The following EPRS1 variants were observed in gnomAD, a reference collection of about 807,000 sequenced individuals.
EPRS1 encodes bifunctional glutamate/proline--tRNA ligase.
In EPRS1, 107 loss-of-function variants were observed where a neutral mutation model predicts 188.3. The observed-to-expected ratio is 0.57, with a 90% CI of 0.49 to 0.67. The LOEUF (loss-of-function observed/expected upper bound fraction) is 0.67, where lower values mean the gene tolerates loss of function less well. Among genes scored for constraint, EPRS1 ranks in the 30% least tolerant of loss-of-function variants. The pLI is 0.00. For missense variants in EPRS1, 1,577 were observed against 1,802.2 expected (o/e 0.88, Z 2.26); for synonymous variants, 596 against 593.1 (o/e 1.00, Z -0.07).
chr1:219,981,335 G>C, intron 24 of EPRS1, 43 bp downstream of exon 24: 1 of 1,067,608 alleles, frequency 9.4e-7, no homozygotes, highest in Non-Finnish European at 1.3e-6. Flanking sequence ...AAAAAAAAAA[G>C]AACATGAATA....
At position 219,981,416 on chromosome 1, in the gene EPRS1, C is replaced by A; in HGVS notation, c.3415G>T (p.Asp1139Tyr). 6.2e-7 allele frequency: 1 copy of A among 1,608,888 alleles called. No homozygotes were observed. ...AYAKWVQSHR[D>Y]LPIKLNQWCN... ...CACTGATTGAGCTTGATGGGCAGGT[C>A]TCTGTGTGACTGTACCCATTTTGCA... Residue 1139 changes from aspartate to tyrosine, a missense_variant, in exon 24 of 32, where the codon GAC becomes TAC. By Grantham distance (160) the Asp-to-Tyr change is radical. Coordinates refer to ENST00000366923, the MANE Select transcript of EPRS1 (RefSeq NM_004446.3).
intron 16 of EPRS1, 143 bp from the exon 17 acceptor site, chr1:220,001,398 C>T (rs4379680): frequency 0.43 from 267,251 of 620,902 alleles, 61,564 homozygotes; most frequent in Non-Finnish European, 0.49. Context: ...GACAGTCTCA[C>T]TCTGTCGCCC....
intron 9 of EPRS1, among the ~76,000 whole-genome samples, chr1:220,020,466 G>A (rs992614870): frequency 1.4e-4 from 21 of 152,180 alleles, no homozygotes; most frequent in Non-Finnish European, 3.1e-4. Context: ...TACAAAATTA[G>A]GTATTGGCTT....
rs201931421 is a variant in EPRS1 at position 219,997,242 on chromosome 1, C to A, written c.2282G>T (p.Gly761Val). Residue 761 changes from glycine (G) to valine (V), a missense_variant, in exon 18 of 32, where the codon GGA (glycine) becomes GTA (valine). This residue lies in a region of EPRS1 where 1,278 missense variants were observed against 1,457.4 expected (regional missense o/e 0.88). Coordinates refer to ENST00000366923, the MANE Select transcript of EPRS1 (RefSeq NM_004446.3). ...GGCTTTTAATTCACGAACCACATCT[C>A]CTTGAACAGCCACTCTATTGTAAAG... ...LVLYNRVAVQ[G>V]DVVRELKAKK... The A allele has an allele frequency of 6.2e-7, 1 of 1,613,898 alleles. No homozygotes were observed. Among genetic ancestry groups the A allele is most frequent in the Non-Finnish European group, 8.5e-7 (1 of 1,179,978 alleles).
intron 18 of EPRS1, among the ~76,000 whole-genome samples, chr1:219,994,276 A>C (rs2647467): frequency 1.3e-5 from 2 of 151,914 alleles, no homozygotes; most frequent in Non-Finnish European, 2.9e-5. Context: ...TCTGAGTGTC[A>C]GTGTGTGTGA....
intron 3 of EPRS1, among the ~76,000 whole-genome samples, chr1:220,034,680 G>A (rs1225248694): frequency 6.6e-6 from 1 of 152,080 alleles, no homozygotes; most frequent in Admixed American, 6.5e-5. Flanking sequence ...GGCACTAAAT[G>A]CTCCCAAAAG....
chr1:220,034,056 T>C (rs968826456), intron 3 of EPRS1, among the ~76,000 whole-genome samples: 1 of 152,242 alleles, frequency 6.6e-6, no homozygotes, highest in East Asian at 1.9e-4. Flanking sequence ...CCATTCTGTG[T>C]ACTTTGAATT....
intron 21 of EPRS1, among the ~76,000 whole-genome samples, chr1:219,983,871 C>T (rs903817200): frequency 2.2e-5 from 3 of 139,120 alleles, no homozygotes; most frequent in East Asian, 2.1e-4. Context: ...CCAGCCTAGG[C>T]AACAGACTGA....
chr1:220,020,350 T>C, intron 9 of EPRS1, 129 bp from the exon 10 acceptor site: 1 of 623,508 alleles, frequency 1.6e-6, no homozygotes, highest in Non-Finnish European at 2.7e-6. Flanking sequence ...AACCAAAAGG[T>C]TTTATGACTT....
At chr1:220,023,169 C>T (rs910332434) in intron 8 of EPRS1, among the ~76,000 whole-genome samples, 1 of 152,172 alleles carries the variant, frequency 6.6e-6, no homozygotes, top group Non-Finnish European at 1.5e-5. Flanking sequence ...AAGGACTCTA[C>T]ATTCCAAGTG....
At chr1:220,004,447 G>C (rs1257850370) in intron 16 of EPRS1, among the ~76,000 whole-genome samples, 1 of 152,140 alleles carries the variant, frequency 6.6e-6, no homozygotes, top group East Asian at 1.9e-4. Flanking sequence ...TGGAGGCAAG[G>C]AGATACCTGA....
intron 18 of EPRS1, 55 bp from the exon 19 acceptor site, chr1:219,988,878 T>C: frequency 9.2e-7 from 1 of 1,088,504 alleles, no homozygotes. Flanking sequence ...TTCTGGAAAT[T>C]TCAATGCCAT....
Position 219,988,595 on chromosome 1 carries a change from G to A in EPRS1, c.2770C>T (p.Pro924Ser). ...VVRKLKTEKA[P>S]KDQVDIAVQE... ...AAACAAAATAACACACTAACCTTAG[G>A]GGCTTTTTCAGTTTTAAGTTTCCGA... is the stretch of plus-strand genomic sequence containing the variant. Residue 924 changes from proline to serine, a missense_variant, in exon 19 of 32, where the codon CCT (proline) becomes TCT (serine). Pro to Ser is a moderately conservative substitution (Grantham distance 74). Coordinates refer to ENST00000366923, the MANE Select transcript of EPRS1 (RefSeq NM_004446.3). 5 of 1,605,102 alleles carry A rather than the reference G, an allele frequency of 3.1e-6. No individual in the cohort carries two copies. The highest frequency in any genetic ancestry group is 4.3e-6 in the Non-Finnish European group (5 of 1,172,222).
chr1:220,044,935 G>T (rs1311343199), intron 1 of EPRS1, among the ~76,000 whole-genome samples: 1 of 152,168 alleles, frequency 6.6e-6, no homozygotes, highest in African/African-American at 2.4e-5. Context: ...TGCCTTTCCA[G>T]CTCAGGAATC....
intron 2 of EPRS1, among the ~76,000 whole-genome samples, chr1:220,036,630 C>T (rs942158822): frequency 6.6e-6 from 1 of 151,966 alleles, no homozygotes; most frequent in African/African-American, 2.4e-5. Flanking sequence ...GGGAGCTTAA[C>T]GACGAGAACA....
chr1:220,010,641 C>T (rs1001577427), intron 13 of EPRS1, among the ~76,000 whole-genome samples: 3 of 152,002 alleles, frequency 2.0e-5, no homozygotes, highest in Non-Finnish European at 4.4e-5. Flanking sequence ...GAAACCCCAT[C>T]TCCACTAAAA....
intron 13 of EPRS1, 164 bp from the exon 14 acceptor site, chr1:220,007,502 C>A: frequency 1.7e-6 from 1 of 572,964 alleles, no homozygotes; most frequent in Non-Finnish European, 3.0e-6. Context: ...TTTACTCTTT[C>A]TCCATCTATG....
chr1:220,011,076 A>C lies in EPRS1; in HGVS notation c.1495-20T>G, dbSNP rs1174452272. 90 of 1,329,808 alleles carry C rather than the reference A, an allele frequency of 6.8e-5. No homozygotes were observed. The highest frequency in any genetic ancestry group is 8.7e-5 in the Non-Finnish European group (80 of 921,148). The allele number at this position is 1,329,808 out of a possible 1,614,324, so 82.4% of individuals were successfully genotyped here. ...AATAACCTGCAACAAATACATCCTC[A>C]TGTTAAAACACTGCGATATCTTATA... On this transcript the variant is annotated intron_variant, in intron 12 of 31. Coordinates refer to ENST00000366923, the MANE Select transcript of EPRS1 (RefSeq NM_004446.3).
chr1:219,982,582 C>G, intron 23 of EPRS1, 190 bp downstream of exon 23: 1 of 429,178 alleles, frequency 2.3e-6, no homozygotes, highest in Non-Finnish European at 4.2e-6. Flanking sequence ...TGATAAGGAG[C>G]TCTACAATGA....
Sources: allele counts gnomAD v4.1 joint callset (sites outside exome capture counted in the v4.1 genomes callset), GRCh38; gene constraint gnomAD v4.1.1; regional missense constraint gnomAD v4.1.1; transcripts MANE v1.5; gene names NCBI Gene and HGNC (gene_info 2026-07-23, HGNC 2026-07-21).